The following WTIP variants were observed in gnomAD, a reference collection of about 807,000 sequenced individuals.
WTIP encodes the protein WT1 interacting protein, also known as Wilms tumor protein 1-interacting protein.
Under a neutral mutation model 41.7 loss-of-function variants are expected in WTIP, and 23 were observed. The ratio of observed to expected loss-of-function variants is 0.55; its 90% CI spans 0.40 to 0.78. WTIP has a LOEUF of 0.78. WTIP is among the 30% of genes least tolerant of loss of function. WTIP has a pLI of 0.00. For synonymous variants in WTIP, 314 were observed against 269.9 expected (o/e 1.16, Z -1.60); for missense variants, 619 against 610.5 (o/e 1.01, Z -0.15).
chr19:34,504,986 G>C lies in WTIP; in HGVS notation c.*4717G>C, dbSNP rs1004075363. On this transcript the variant is annotated 3_prime_UTR_variant, in exon 8 of 8. Transcript: ENST00000590071. Reference sequence around the variant, plus strand: ...GGGGATCAAGAACAGGTCTGGGAGAGGGGGGAGCATCAGGGCCACCTGCAG... The same window carrying C: ...GGGGATCAAGAACAGGTCTGGGAGACGGGGGAGCATCAGGGCCACCTGCAG... The C allele has an allele frequency of 6.6e-6, 1 of 152,566 alleles. No homozygotes were observed. Among genetic ancestry groups the C allele is most frequent in the African/African-American group, 2.4e-5 (1 of 41,422 alleles). The allele number at this position is 152,566 out of a possible 1,614,324, so 9.5% of individuals were successfully genotyped here.
chr19:34,491,221 A>G (rs2075823647), intron 2 of WTIP, among the ~76,000 whole-genome samples: 1 of 152,218 alleles, frequency 6.6e-6, no homozygotes, highest in African/African-American at 2.4e-5. Flanking sequence ...AAAAGGAACT[A>G]TAATCCAACC....
chr19:34,482,151 C>G lies in WTIP; in HGVS notation c.177C>G (p.Pro59=), dbSNP rs1260653662. Residue 59 remains proline (P), a synonymous_variant, in exon 1 of 8, where the codon CCC becomes CCG. Coordinates refer to ENST00000590071, the MANE Select transcript of WTIP (RefSeq NM_001080436.2). The stretch of plus-strand genomic sequence containing the variant: ...GCAGAGGGAAGGGCAGCGGCGGCCC[C>G]GAGGCCGGGGCGGACGGACTGAGCC... ...LGRRGKGSGG[P]EAGADGLSRG... is the part of the protein sequence containing the mutation. 1.3e-5 allele frequency: 14 copies of G among 1,067,992 alleles called. No homozygotes were observed. The East Asian group carries it at 6.2e-4, about 48-fold the overall frequency. 66.2% of individuals were successfully genotyped at this position (1,067,992 alleles called of 1,614,324 possible). A position where few individuals can be genotyped will look rare whatever the true frequency, so the allele number is the denominator to read the frequency against.
chr19:34,485,611 A>G (rs1176606634), intron 1 of WTIP, among the ~76,000 whole-genome samples: 2 of 142,382 alleles, frequency 1.4e-5, no homozygotes, highest in African/African-American at 2.6e-5. Flanking sequence ...TTTTTTTTTT[A>G]GAGACAGGGT....
chr19:34,486,865 T>C (rs1028450632), intron 1 of WTIP, among the ~76,000 whole-genome samples: 1 of 152,064 alleles, frequency 6.6e-6, no homozygotes, highest in African/African-American at 2.4e-5. Context: ...GGTCCTTCCA[T>C]CACCAACCTC....
At chr19:34,500,089 G>C in intron 7 of WTIP, 40 bp from the exon 8 acceptor site, 2 of 1,593,050 alleles carry the variant, frequency 1.3e-6, no homozygotes, top group South Asian at 2.2e-5. Context: ...ATGTGCGCTT[G>C]TCTGCTGACT....
In WTIP at chr19:34,506,371, A is replaced by G. The variant is rs1251649378; in HGVS notation, c.*6102A>G. ...CTCTTTCACTTCTTGCAAGTTGGTG[A>G]AAACAGACTCTTCCAGGGAATTTTA... On this transcript the variant is annotated 3_prime_UTR_variant, in exon 8 of 8. Transcript: ENST00000590071. 2 of 152,238 alleles carry G rather than the reference A, an allele frequency of 1.3e-5. No individual in the cohort carries two copies. The highest frequency in any genetic ancestry group is 4.8e-5 in the African/African-American group (2 of 41,454). The allele number at this position is 152,238 out of a possible 1,614,324, so 9.4% of individuals were successfully genotyped here.
chr19:34,486,895 TCTC>T (rs75894225), intron 1 of WTIP, among the ~76,000 whole-genome samples: 3 of 151,394 alleles, frequency 2.0e-5, no homozygotes, highest in Non-Finnish European at 2.9e-5. Flanking sequence ...CACCTTCAGT[TCTC>T]CTCTTTTCAT....
chr19:34,498,824 C>T (rs141368983), intron 7 of WTIP, among the ~76,000 whole-genome samples: 8,190 of 151,988 alleles, frequency 0.054, 724 homozygotes, highest in African/African-American at 0.18. Flanking sequence ...GGCGTGAACC[C>T]GGGAGGCGGA....
In WTIP at chr19:34,482,426, G is replaced by A. The variant is rs1371208855; in HGVS notation, c.452G>A (p.Gly151Asp). ...RSSVSSLGSR[G>D]SAGAYADFLP... ...AGCGTTTCCAGCCTCGGCTCCCGGGGCTCGGCCGGCGCCTACGCTGACTTC... is the reference window on the plus strand; with the variant it reads ...AGCGTTTCCAGCCTCGGCTCCCGGGACTCGGCCGGCGCCTACGCTGACTTC... The change falls in exon 1 of 8, where the codon GGC becomes GAC. Residue 151 changes from glycine (G) to aspartate (D), a missense_variant. By Grantham distance (94) the Gly-to-Asp change is moderately conservative (BLOSUM62 -1). Transcript: ENST00000590071. The A allele has an allele frequency of 1.5e-6, 2 of 1,345,832 alleles. No homozygotes were observed. The highest frequency in any genetic ancestry group is 1.9e-6 in the Non-Finnish European group (2 of 1,047,652). 83.4% of individuals were successfully genotyped at this position (1,345,832 alleles called of 1,614,324 possible).
In WTIP at chr19:34,510,543, C is replaced by T. The variant is rs1405920713; in HGVS notation, c.*10274C>T. On this transcript the variant is annotated 3_prime_UTR_variant, in exon 8 of 8. Coordinates refer to ENST00000590071, the MANE Select transcript of WTIP (RefSeq NM_001080436.2). ...AATGACATGCCCTGGAGACATTTTC[C>T]CCATTGTCTTGGGGTTAAACATTCC... The T allele has an allele frequency of 6.6e-6, 1 of 152,174 alleles. No individual in the cohort carries two copies. The highest frequency in any genetic ancestry group is 1.5e-5 in the Non-Finnish European group (1 of 68,036). 9.4% of individuals were successfully genotyped at this position (152,174 alleles called of 1,614,324 possible). A position where few individuals can be genotyped will look rare whatever the true frequency, so the allele number is the denominator to read the frequency against.
rs981335872 is a variant in WTIP at position 34,481,790 on chromosome 19, C to A, written c.-185C>A. On this transcript the variant is annotated 5_prime_UTR_variant, in exon 1 of 8. Coordinates refer to ENST00000590071, the MANE Select transcript of WTIP (RefSeq NM_001080436.2). ...CCGCCGCGCGCGCCGCCGAGCAGGGCGCCGCGTCCCCCGGCCCGCGCGTGG... is the reference window on the plus strand; with the variant it reads ...CCGCCGCGCGCGCCGCCGAGCAGGGAGCCGCGTCCCCCGGCCCGCGCGTGG... 3.1e-4 allele frequency: 51 copies of A among 164,276 alleles called. No homozygotes were observed. The highest frequency in any genetic ancestry group is 5.4e-4 in the Admixed American group (8 of 14,862). 10.2% of individuals were successfully genotyped at this position (164,276 alleles called of 1,614,324 possible). A position where few individuals can be genotyped will look rare whatever the true frequency, so the allele number is the denominator to read the frequency against.
chr19:34,488,843 C>T (rs1025273418), intron 1 of WTIP, among the ~76,000 whole-genome samples: 4 of 146,484 alleles, frequency 2.7e-5, no homozygotes, highest in Admixed American at 1.4e-4. Flanking sequence ...GTCAAGGCTG[C>T]AGTGAGCTAT....
chr19:34,499,124 A>G (rs904558898), intron 7 of WTIP, among the ~76,000 whole-genome samples: 1 of 152,030 alleles, frequency 6.6e-6, no homozygotes, highest in Non-Finnish European at 1.5e-5. Context: ...CTGAGGTGGG[A>G]GGACTGCTTG....
chr19:34,492,806 A>C (rs1015509778), intron 2 of WTIP, among the ~76,000 whole-genome samples: 3 of 152,102 alleles, frequency 2.0e-5, no homozygotes, highest in African/African-American at 7.2e-5. Flanking sequence ...ATTTATTCAT[A>C]TATTTGTTTT....
At chr19:34,487,721 TGAAAG>T (rs1302877986) in intron 1 of WTIP, among the ~76,000 whole-genome samples, 1 of 151,250 alleles carries the variant, frequency 6.6e-6, no homozygotes. Flanking sequence ...AGGAGAGAGA[TGAAAG>T]GAGAAAGCAA....
chr19:34,501,666 C>G lies in WTIP; in HGVS notation c.*1397C>G, dbSNP rs557622176. On this transcript the variant is annotated 3_prime_UTR_variant, in exon 8 of 8. Coordinates refer to ENST00000590071, the MANE Select transcript of WTIP (RefSeq NM_001080436.2). ...GCTGTCCAGGCCGAGCCCAAGGGAA[C>G]AAACACCAGGAGGCGCCCGCAGGGA... 2.6e-5 allele frequency: 4 copies of G among 152,440 alleles called. No individual in the cohort carries two copies. In the East Asian group the frequency reaches 5.8e-4, roughly 22 times the overall value. The allele number at this position is 152,440 out of a possible 1,614,324, so 9.4% of individuals were successfully genotyped here. A position where few individuals can be genotyped will look rare whatever the true frequency, so the allele number is the denominator to read the frequency against.
intron 2 of WTIP, among the ~76,000 whole-genome samples, chr19:34,490,678 C>T (rs187980689): frequency 2.0e-5 from 3 of 152,340 alleles, no homozygotes; most frequent in Admixed American, 2.0e-4. Context: ...GGGCTGCCCC[C>T]TGGTCGTCAG....
In WTIP at chr19:34,510,136, C is replaced by A. The variant is rs1202997047; in HGVS notation, c.*9867C>A. On this transcript the variant is annotated 3_prime_UTR_variant, in exon 8 of 8. Coordinates refer to ENST00000590071, the MANE Select transcript of WTIP (RefSeq NM_001080436.2). ...ACTAGGCAGTACCCCAGTAGGGATA[C>A]TGTGTTTGGGCTCTGACCCCACATT... 6.6e-6 allele frequency: 1 copy of A among 152,212 alleles called. No individual in the cohort carries two copies. The highest frequency in any genetic ancestry group is 6.5e-5 in the Admixed American group (1 of 15,286). 9.4% of individuals were successfully genotyped at this position (152,212 alleles called of 1,614,324 possible).
At chr19:34,484,317 C>T (rs546038111) in intron 1 of WTIP, among the ~76,000 whole-genome samples, 9 of 152,080 alleles carry the variant, frequency 5.9e-5, no homozygotes, top group African/African-American at 1.2e-4. Context: ...GGAGGCCAGG[C>T]GGGATGAGAG....
Sources: allele counts gnomAD v4.1 joint callset (sites outside exome capture counted in the v4.1 genomes callset), GRCh38; gene constraint gnomAD v4.1.1; transcripts MANE v1.5; gene names NCBI Gene and HGNC (gene_info 2026-07-23, HGNC 2026-07-21).